Variants in DAB2IP observed in about 807,000 individuals in gnomAD.
The protein encoded by DAB2IP is disabled homolog 2-interacting protein.
DAB2IP carries 28 observed loss-of-function variants against 107.2 expected under a neutral mutation model. The ratio of observed to expected loss-of-function variants is 0.26; its 90% CI spans 0.19 to 0.36. The LOEUF (loss-of-function observed/expected upper bound fraction) is 0.36. Among genes scored for constraint, DAB2IP ranks in the 10% least tolerant of loss-of-function variants. The pLI, the probability that DAB2IP is intolerant of heterozygous loss-of-function variation, is 1.00. For synonymous variants in DAB2IP, 755 were observed against 706.4 expected, an observed-to-expected ratio of 1.07 and a Z score of -1.09; for missense variants, 1,400 against 1,644.7, an observed-to-expected ratio of 0.85 and a Z score of 2.57.
chr9:121,766,808 C>T (rs1834320546), intron 9 of DAB2IP, 78 bp downstream of exon 9: 2 of 1,447,646 alleles, frequency 1.4e-6, no homozygotes, highest in Non-Finnish European at 1.9e-6. Context: ...TGTTTCTGCC[C>T]CCAAGCTGAG....
chr9:121,653,196 C>G (rs1832825783), intron 1 of DAB2IP, among the ~76,000 whole-genome samples: 1 of 124,952 alleles, frequency 8.0e-6, no homozygotes, highest in African/African-American at 2.9e-5. Flanking sequence ...GAGTACTAAG[C>G]CTTTAGTACT....
chr9:121,680,853 C>T (rs1828555279), intron 2 of DAB2IP, among the ~76,000 whole-genome samples: 2 of 151,798 alleles, frequency 1.3e-5, no homozygotes, highest in South Asian at 4.2e-4. Flanking sequence ...AATAGTTCTC[C>T]CACCTCAGCC....
At chr9:121,661,846 T>C (rs1262035526) in intron 1 of DAB2IP, among the ~76,000 whole-genome samples, 1 of 152,076 alleles carries the variant, frequency 6.6e-6, no homozygotes, top group African/African-American at 2.4e-5. Flanking sequence ...TTTGTTGTGG[T>C]GGCACAGGCC....
intron 1 of DAB2IP, among the ~76,000 whole-genome samples, chr9:121,621,976 T>TTTTCTTTC (rs1564116755): frequency 2.0e-5 from 3 of 148,582 alleles, no homozygotes; most frequent in African/African-American, 7.5e-5. Context: ...TCTTTTTCTT[T>TTTTCTTTC]TTTCTTTCTT....
intron 3 of DAB2IP, among the ~76,000 whole-genome samples, chr9:121,708,893 G>A (rs766994090): frequency 6.6e-6 from 1 of 152,200 alleles, no homozygotes; most frequent in Non-Finnish European, 1.5e-5. Context: ...GAGAGACTAG[G>A]CCAGGTGGGG....
Position 121,760,826 on chromosome 9 carries a change from C to T in DAB2IP, c.1170+387C>T, listed in dbSNP as rs977462652. 1.3e-5 allele frequency among the ~76,000 whole-genome samples: 2 copies of T among 152,336 alleles called. No individual in the cohort carries two copies. Among genetic ancestry groups the T allele is most frequent in the South Asian group, 2.1e-4 (1 of 4,828 alleles). On this transcript the variant is annotated intron_variant, in intron 6 of 15. Transcript: ENST00000408936. This position sits in a 1 kb window ranked among gnomAD's most constrained non-coding sequence, Gnocchi z 5.9. ...CAGCCGCAGTGAGCCAAACACACGT[C>T]CCCTGTGGGGTATGGAGTTCGGCAG...
intron 9 of DAB2IP, among the ~76,000 whole-genome samples, chr9:121,768,229 G>C (rs1255621056): frequency 6.6e-6 from 1 of 152,150 alleles, no homozygotes; most frequent in Non-Finnish European, 1.5e-5. Flanking sequence ...TGAGATAAAA[G>C]GTTCAGAAAA....
chr9:121,694,119 C>T (rs1300719355), intron 2 of DAB2IP, among the ~76,000 whole-genome samples: 1 of 152,156 alleles, frequency 6.6e-6, no homozygotes, highest in Non-Finnish European at 1.5e-5. Flanking sequence ...TTCCCTCCCG[C>T]CTTGGCTTTG....
intron 1 of DAB2IP, among the ~76,000 whole-genome samples, chr9:121,592,459 G>A (rs1245842532): frequency 6.6e-6 from 1 of 152,196 alleles, no homozygotes; most frequent in Non-Finnish European, 1.5e-5. Context: ...GTGCCCCAGT[G>A]GCTAATGTCC....
At chr9:121,741,471 C>A (rs1275225601) in intron 3 of DAB2IP, among the ~76,000 whole-genome samples, 1 of 152,174 alleles carries the variant, frequency 6.6e-6, no homozygotes, top group Admixed American at 6.5e-5. Flanking sequence ...CTGCTCTGCC[C>A]CTCCTACTCA....
At chr9:121,679,360 A>C (rs985362645) in intron 2 of DAB2IP, among the ~76,000 whole-genome samples, 2 of 151,344 alleles carry the variant, frequency 1.3e-5, no homozygotes, top group Non-Finnish European at 2.9e-5. Context: ...ATGGAAACAG[A>C]ACCCAATGAC....
intron 1 of DAB2IP, among the ~76,000 whole-genome samples, chr9:121,609,470 A>AC (rs755570653): frequency 6.6e-6 from 1 of 151,588 alleles, no homozygotes; most frequent in Non-Finnish European, 1.5e-5. Context: ...CCGCTTTGGG[A>AC]CCCCCATTCG....
intron 1 of DAB2IP, among the ~76,000 whole-genome samples, chr9:121,569,748 G>A (rs1829890269): frequency 6.6e-6 from 1 of 152,212 alleles, no homozygotes; most frequent in East Asian, 1.9e-4. Context: ...TTGAACTCGG[G>A]AGGCAAAAGC....
chr9:121,760,501 TC>T lies in DAB2IP; in HGVS notation c.1170+64del. ...GCGGCAGCACTGGGTTACCTGCCCT[TC>T]CTCACATCCGTACATTTCAGGCCTA... On this transcript the variant is annotated intron_variant, in intron 6 of 15. Coordinates refer to ENST00000408936, the Ensembl canonical transcript of DAB2IP. This position sits in a 1 kb window ranked among gnomAD's most constrained non-coding sequence, Gnocchi z 5.9. The T allele has an allele frequency of 6.7e-7, 1 of 1,487,258 alleles. No homozygotes were observed. Among genetic ancestry groups the T allele is most frequent in the Non-Finnish European group, 8.9e-7 (1 of 1,121,680 alleles). 92.1% of individuals were successfully genotyped at this position (1,487,258 alleles called of 1,614,324 possible).
intron 1 of DAB2IP, among the ~76,000 whole-genome samples, chr9:121,575,744 T>C (rs1393868413): frequency 6.6e-6 from 1 of 152,032 alleles, no homozygotes; most frequent in African/African-American, 2.4e-5. Context: ...GCCCCGTCTG[T>C]TCCTTCTGCT....
intron 2 of DAB2IP, among the ~76,000 whole-genome samples, chr9:121,692,283 G>A (rs1157257848): frequency 7.9e-5 from 12 of 152,088 alleles, no homozygotes; most frequent in Non-Finnish European, 1.3e-4. Context: ...GTGTGTATTC[G>A]TGTGTGTGCT....
At chr9:121,644,425 C>T (rs1274787062) in intron 1 of DAB2IP, among the ~76,000 whole-genome samples, 7 of 151,922 alleles carry the variant, frequency 4.6e-5, no homozygotes, top group African/African-American at 1.7e-4. Flanking sequence ...GGCGAAACCC[C>T]GTCTCTACTA....
Position 121,635,214 on chromosome 9 carries a change from G to T in DAB2IP, c.41-43464G>T, listed in dbSNP as rs1832045958. On this transcript the variant is annotated intron_variant, in intron 1 of 16. Coordinates refer to the DAB2IP transcript ENST00000259371. The surrounding 1 kb of genome is among the most constrained non-coding windows in gnomAD (Gnocchi z 4.3). The stretch of plus-strand genomic sequence containing the variant: ...TGTGTGGGGTCAAGGAGACCCTGGG[G>T]CTGTTCATTGGACAGCACTAATTCA... 6.6e-6 allele frequency among the ~76,000 whole-genome samples: 1 copy of T among 152,140 alleles called. No homozygotes were observed. Among genetic ancestry groups the T allele is most frequent in the South Asian group, 2.1e-4 (1 of 4,826 alleles).
intron 3 of DAB2IP, among the ~76,000 whole-genome samples, chr9:121,733,624 C>T (rs1294900197): frequency 1.3e-5 from 2 of 152,156 alleles, no homozygotes; most frequent in African/African-American, 4.8e-5. Context: ...GCAGGGCAGG[C>T]AGCAGTAGCC....
Sources: gnomAD v4.1 joint callset for allele counts (sites outside exome capture counted in the v4.1 genomes callset) on GRCh38, gnomAD v4.1.1 for gene constraint, Gnocchi (gnomAD v3.1) non-coding constraint, MANE v1.5 for transcripts, NCBI Gene and HGNC (gene_info 2026-07-23, HGNC 2026-07-21) for gene names.